Variants in YWHAE observed in about 807,000 individuals in gnomAD.
YWHAE encodes the protein 14-3-3 protein epsilon.
A neutral mutation model predicts 30.1 loss-of-function variants in YWHAE; 4 were observed. That is an observed-to-expected ratio of 0.13 (90% CI 0.07 to 0.30). The LOEUF (loss-of-function observed/expected upper bound fraction) is 0.30, where lower values mean the gene tolerates loss of function less well. Ranked by LOEUF, YWHAE falls within the 10% of genes least tolerant of loss-of-function variation. The probability of loss-of-function intolerance (pLI) is 1.00; values close to 1 mark genes in which losing one functional copy is unlikely to be tolerated. For missense variants in YWHAE, 121 were observed against 315.9 expected (o/e 0.38, Z 4.68); for synonymous variants, 118 against 111.8 (o/e 1.06, Z -0.35).
chr17:1,389,867 G>A (rs979531447), intron 1 of YWHAE, among the ~76,000 whole-genome samples: 1 of 150,110 alleles, frequency 6.7e-6, no homozygotes, highest in Non-Finnish European at 1.5e-5. Flanking sequence ...TTTTGAGACA[G>A]AGTTTTGCTC....
chr17:1,396,814 G>T (rs987368178), intron 1 of YWHAE, among the ~76,000 whole-genome samples: 2 of 151,970 alleles, frequency 1.3e-5, no homozygotes, highest in African/African-American at 4.8e-5. Flanking sequence ...TACAGACGGG[G>T]TTTCTCCATG....
At chr17:1,394,283 T>C (rs1393058274) in intron 1 of YWHAE, among the ~76,000 whole-genome samples, 1 of 152,178 alleles carries the variant, frequency 6.6e-6, no homozygotes, top group East Asian at 1.9e-4. Context: ...CAACGTGGGC[T>C]GTGAACTGAG....
intron 1 of YWHAE, among the ~76,000 whole-genome samples, chr17:1,388,372 C>T (rs1377485885): frequency 1.3e-5 from 2 of 151,574 alleles, no homozygotes; most frequent in African/African-American, 2.4e-5. Flanking sequence ...AAAAATGAGC[C>T]GGGCGTGGTG....
At chr17:1,362,982 A>G (rs186797937) in intron 2 of YWHAE, among the ~76,000 whole-genome samples, 3 of 152,236 alleles carry the variant, frequency 2.0e-5, no homozygotes, top group Admixed American at 1.3e-4. Flanking sequence ...TTTGTCATCA[A>G]TAGATCTCTA....
At chr17:1,352,821 G>T (rs962451605) in intron 5 of YWHAE, among the ~76,000 whole-genome samples, 4 of 152,046 alleles carry the variant, frequency 2.6e-5, no homozygotes, top group Admixed American at 2.6e-4. Flanking sequence ...CACCGCGCCC[G>T]GCACAGCCTT....
At position 1,372,926 on chromosome 17, in the gene YWHAE, A is replaced by ACCCTG. The variant is rs1359428514; in HGVS notation, c.65-7873_65-7869dup. Among the ~76,000 whole-genome samples the ACCCTG allele has an allele frequency of 4.6e-5, 7 of 152,010 alleles. No homozygotes were observed. In the East Asian group the frequency reaches 1.4e-3, roughly 29 times the overall value. The stretch of plus-strand genomic sequence containing the variant: ...ATTCCTGCCTGGGTGACAGAGTGAG[A>ACCCTG]CCCTGTCTCCAAAAATTAATAGTAA... On this transcript the variant is annotated intron_variant, in intron 1 of 5. Coordinates refer to ENST00000264335, the MANE Select transcript of YWHAE (RefSeq NM_006761.5).
chr17:1,355,217 C>CG (rs2150842947), intron 4 of YWHAE, among the ~76,000 whole-genome samples: 1 of 108,866 alleles, frequency 9.2e-6, no homozygotes, highest in South Asian at 3.5e-4. Context: ...AGTGCAGTGG[C>CG]GGGATGTAGG....
intron 4 of YWHAE, among the ~76,000 whole-genome samples, chr17:1,359,715 T>C (rs148756955): frequency 3.6e-4 from 55 of 151,706 alleles, no homozygotes; most frequent in Admixed American, 1.3e-3. Context: ...TTATTGATTG[T>C]TTAATGGCTA....
Position 1,382,089 on chromosome 17 carries a change from C to G in YWHAE, c.65-17031G>C, listed in dbSNP as rs556336324. ...TTTGAGATGGAGTCTCGCTCTGTCA[C>G]CCAGGCTGGAGTGCAGTGGCGCAAT... On this transcript the variant is annotated intron_variant, in intron 1 of 5. Transcript: ENST00000264335. Among the ~76,000 whole-genome samples, 18 of 151,552 alleles carry G rather than the reference C, an allele frequency of 1.2e-4. No homozygotes were observed. In the South Asian group the frequency reaches 2.1e-3, roughly 18 times the overall value.
At chr17:1,390,949 G>C (rs553731661) in intron 1 of YWHAE, among the ~76,000 whole-genome samples, 1 of 152,302 alleles carries the variant, frequency 6.6e-6, no homozygotes, top group East Asian at 1.9e-4. Context: ...GTTGTAACAA[G>C]ATATGGGTGA....
intron 5 of YWHAE, among the ~76,000 whole-genome samples, chr17:1,346,983 T>A (rs1015381393): frequency 8.5e-5 from 11 of 128,758 alleles, no homozygotes; most frequent in Non-Finnish European, 1.6e-4. Context: ...AGAGTGAGAC[T>A]CCGTCTCAAA....
intron 1 of YWHAE, among the ~76,000 whole-genome samples, chr17:1,386,635 G>A (rs1262539654): frequency 6.6e-6 from 1 of 152,136 alleles, no homozygotes; most frequent in Non-Finnish European, 1.5e-5. Flanking sequence ...CCTATACAGA[G>A]GTACCTCTCC....
chr17:1,391,921 C>A (rs993187486), intron 1 of YWHAE, among the ~76,000 whole-genome samples: 71 of 152,090 alleles, frequency 4.7e-4, no homozygotes, highest in Non-Finnish European at 1.5e-4. Flanking sequence ...AGGCCTCTAC[C>A]AAAAAAATTT....
chr17:1,384,112 G>A (rs1482240631), intron 1 of YWHAE, among the ~76,000 whole-genome samples: 1 of 152,212 alleles, frequency 6.6e-6, no homozygotes, highest in Non-Finnish European at 1.5e-5. Flanking sequence ...AGATGAGGCA[G>A]AGAACTGCTT....
intron 1 of YWHAE, among the ~76,000 whole-genome samples, chr17:1,372,539 TGAGA>T (rs1450270271): frequency 6.6e-6 from 1 of 152,226 alleles, no homozygotes; most frequent in African/African-American, 2.4e-5. Context: ...TTATTTAAAG[TGAGA>T]GACTGGGACT....
intron 1 of YWHAE, among the ~76,000 whole-genome samples, chr17:1,379,800 A>C (rs935829094): frequency 1.3e-5 from 2 of 152,214 alleles, no homozygotes; most frequent in Non-Finnish European, 2.9e-5. Flanking sequence ...AACTTGTTTT[A>C]ATTTAAGCAA....
chr17:1,357,506 G>C (rs904348646), intron 4 of YWHAE, among the ~76,000 whole-genome samples: 6 of 151,992 alleles, frequency 3.9e-5, no homozygotes, highest in Non-Finnish European at 8.8e-5. Flanking sequence ...CCTGAACCCA[G>C]GAGGCTGAGC....
intron 4 of YWHAE, among the ~76,000 whole-genome samples, chr17:1,359,900 G>A: frequency 8.3e-6 from 1 of 120,802 alleles, no homozygotes; most frequent in African/African-American, 3.2e-5. Context: ...AGGGAGACGG[G>A]GAGAGAGAGG....
chr17:1,398,400 A>G lies in YWHAE; in HGVS notation c.64+1647T>C, dbSNP rs535673206. Reference sequence around the variant, plus strand: ...TTTAAGAATTTACAAGACGAAATTTAGTTCACTATATTTCCTAAATATGAG... The same window carrying G: ...TTTAAGAATTTACAAGACGAAATTTGGTTCACTATATTTCCTAAATATGAG... On this transcript the variant is annotated intron_variant, in intron 1 of 5. Coordinates refer to ENST00000264335, the MANE Select transcript of YWHAE (RefSeq NM_006761.5). Among the ~76,000 whole-genome samples the G allele has an allele frequency of 1.4e-4, 21 of 146,924 alleles. 2 individuals are homozygous for G. The South Asian group carries it at 4.7e-3, about 33-fold the overall frequency.
Sources: gnomAD v4.1 joint callset for allele counts (sites outside exome capture counted in the v4.1 genomes callset) on GRCh38, gnomAD v4.1.1 for gene constraint, MANE v1.5 for transcripts, NCBI Gene and HGNC (gene_info 2026-07-23, HGNC 2026-07-21) for gene names.